PRIMA1: variants seen among roughly 807,000 people sequenced by gnomAD.
The protein encoded by PRIMA1 is proline rich membrane anchor 1.
In PRIMA1, 7 loss-of-function variants were observed where a neutral mutation model predicts 17.5. That is an observed-to-expected ratio of 0.40 (90% CI 0.23 to 0.75). The LOEUF (loss-of-function observed/expected upper bound fraction) is 0.75, where lower values mean the gene tolerates loss of function less well. PRIMA1 is among the 30% of genes least tolerant of loss of function. PRIMA1 has a pLI of 0.37. For synonymous variants in PRIMA1, 97 were observed against 77.9 expected, an observed-to-expected ratio of 1.25 and a Z score of -1.29; for missense variants, 200 against 201.8, an observed-to-expected ratio of 0.99 and a Z score of 0.05.
At chr14:93,735,320 C>T (rs1390787667) in intron 4 of PRIMA1, among the ~76,000 whole-genome samples, 1 of 152,238 alleles carries the variant, frequency 6.6e-6, no homozygotes, top group African/African-American at 2.4e-5. Flanking sequence ...CCCAGTCAGG[C>T]TCACGGCTTC....
chr14:93,755,028 A>G (rs952682723), intron 3 of PRIMA1, among the ~76,000 whole-genome samples: 2 of 152,138 alleles, frequency 1.3e-5, no homozygotes, highest in African/African-American at 4.8e-5. Context: ...GCTCTCTGGG[A>G]ACTGACATTC....
chr14:93,752,401 A>T (rs2076265377), intron 3 of PRIMA1, among the ~76,000 whole-genome samples: 1 of 152,168 alleles, frequency 6.6e-6, no homozygotes, highest in Non-Finnish European at 1.5e-5. Context: ...GAAACATGCC[A>T]GGTCATATTC....
chr14:93,758,920 C>G (rs925959660), intron 3 of PRIMA1, among the ~76,000 whole-genome samples: 1 of 152,150 alleles, frequency 6.6e-6, no homozygotes, highest in Non-Finnish European at 1.5e-5. Flanking sequence ...CCTGCCCGCT[C>G]TCTGTGGGCT....
chr14:93,733,889 T>A lies in PRIMA1; in HGVS notation c.359+3352A>T, dbSNP rs1414965105. On this transcript the variant is annotated intron_variant, in intron 4 of 4. Coordinates refer to ENST00000393140, the MANE Select transcript of PRIMA1 (RefSeq NM_178013.4). Reference sequence around the variant, plus strand: ...CTATCTCTTACAGCCCCAGCTGAGGTCAGCGCCTGGGGGGGCAGTGGGGAG... The same window carrying A: ...CTATCTCTTACAGCCCCAGCTGAGGACAGCGCCTGGGGGGGCAGTGGGGAG... Among the ~76,000 whole-genome samples, 3 of 152,106 alleles carry A rather than the reference T, an allele frequency of 2.0e-5. No homozygotes were observed. The South Asian group carries it at 6.2e-4, about 32-fold the overall frequency.
chr14:93,757,574 AG>A (rs2076299249), intron 3 of PRIMA1, among the ~76,000 whole-genome samples: 1 of 151,152 alleles, frequency 6.6e-6, no homozygotes, highest in South Asian at 2.1e-4. Context: ...GGCTGGAGGG[AG>A]GGGGCTTCGC....
At chr14:93,767,951 T>C (rs568963246) in intron 3 of PRIMA1, among the ~76,000 whole-genome samples, 12 of 152,264 alleles carry the variant, frequency 7.9e-5, no homozygotes, top group Non-Finnish European at 1.2e-4. Flanking sequence ...TATGGGTTTC[T>C]TTTAGGGGTG....
At chr14:93,765,228 A>G (rs1884852259) in intron 3 of PRIMA1, among the ~76,000 whole-genome samples, 1 of 151,438 alleles carries the variant, frequency 6.6e-6, no homozygotes, top group Non-Finnish European at 1.5e-5. Context: ...CCCCCTCCCT[A>G]CTTCCTTTCT....
At position 93,748,332 on chromosome 14, in the gene PRIMA1, G is replaced by C. The variant is rs913606108; in HGVS notation, c.230-10962C>G. Among the ~76,000 whole-genome samples, 4 of 152,158 alleles carry C rather than the reference G, an allele frequency of 2.6e-5. No individual in the cohort carries two copies. In the South Asian group the frequency reaches 8.3e-4, roughly 32 times the overall value. On this transcript the variant is annotated intron_variant, in intron 3 of 4. Transcript: ENST00000393140. ...GACAGTCTGGCCCCAGGGCCAACCT[G>C]TGACGGCTGCATAGACACAAAGCAG...
At chr14:93,762,413 C>T (rs1463243790) in intron 3 of PRIMA1, among the ~76,000 whole-genome samples, 1 of 151,984 alleles carries the variant, frequency 6.6e-6, no homozygotes, top group African/African-American at 2.4e-5. Flanking sequence ...CCAGCACAGC[C>T]CCCCACCCCC....
At chr14:93,753,022 C>T (rs115512712) in intron 3 of PRIMA1, among the ~76,000 whole-genome samples, 2,885 of 152,230 alleles carry the variant, frequency 0.019, 97 homozygotes, top group African/African-American at 0.066. Flanking sequence ...CCCCCAGCTG[C>T]GATGACCAGA....
At chr14:93,727,058 T>C (rs1314337169) in intron 4 of PRIMA1, among the ~76,000 whole-genome samples, 2 of 152,140 alleles carry the variant, frequency 1.3e-5, no homozygotes, top group Non-Finnish European at 2.9e-5. Context: ...GGCGTCACCG[T>C]GAGAAGCAGC....
At chr14:93,766,653 C>T (rs1426069652) in intron 3 of PRIMA1, among the ~76,000 whole-genome samples, 1 of 152,194 alleles carries the variant, frequency 6.6e-6, no homozygotes, top group African/African-American at 2.4e-5. Context: ...GAGAATTCAA[C>T]AAACCTTTGG....
chr14:93,767,625 C>T (rs562730335), intron 3 of PRIMA1, among the ~76,000 whole-genome samples: 1 of 152,204 alleles, frequency 6.6e-6, no homozygotes, highest in Admixed American at 6.5e-5. Context: ...GGTGCCGGAG[C>T]TAGCCCTTGA....
At chr14:93,766,690 C>T (rs1247176241) in intron 3 of PRIMA1, among the ~76,000 whole-genome samples, 5 of 152,076 alleles carry the variant, frequency 3.3e-5, no homozygotes, top group African/African-American at 1.2e-4. Context: ...GCTCCTCAGC[C>T]CTGAAGGTGA....
At chr14:93,732,076 C>A (rs1439921843) in intron 4 of PRIMA1, among the ~76,000 whole-genome samples, 2 of 152,236 alleles carry the variant, frequency 1.3e-5, no homozygotes, top group Non-Finnish European at 2.9e-5. Context: ...GGTCTTTCTG[C>A]CAATTATACC....
intron 4 of PRIMA1, among the ~76,000 whole-genome samples, chr14:93,723,039 G>A (rs751854377): frequency 6.6e-6 from 1 of 152,080 alleles, no homozygotes; most frequent in Non-Finnish European, 1.5e-5. Context: ...AAATTACAGT[G>A]TACTTTTGGG....
intron 3 of PRIMA1, among the ~76,000 whole-genome samples, chr14:93,761,171 C>A (rs2141179942): frequency 6.6e-6 from 1 of 152,200 alleles, no homozygotes; most frequent in East Asian, 1.9e-4. Context: ...CATGGCGAAA[C>A]CCTGTCTCTA....
intron 3 of PRIMA1, among the ~76,000 whole-genome samples, chr14:93,740,778 A>G (rs74822837): frequency 6.6e-6 from 1 of 152,206 alleles, no homozygotes; most frequent in African/African-American, 2.4e-5. Flanking sequence ...GATGTTAATG[A>G]CAATGAACTG....
intron 2 of PRIMA1, among the ~76,000 whole-genome samples, chr14:93,782,496 C>T (rs888839795): frequency 3.3e-5 from 5 of 151,712 alleles, no homozygotes; most frequent in Non-Finnish European, 5.9e-5. Context: ...TGGCACATGC[C>T]TATAGACCCA....
Sources: gnomAD v4.1 joint callset for allele counts (sites outside exome capture counted in the v4.1 genomes callset) on GRCh38, gnomAD v4.1.1 for gene constraint, MANE v1.5 for transcripts, NCBI Gene and HGNC (gene_info 2026-07-23, HGNC 2026-07-21) for gene names.